Variants in SYPL2 observed in about 807,000 individuals in gnomAD.
The protein encoded by SYPL2 is synaptophysin-like protein 2.
A neutral mutation model predicts 31.3 loss-of-function variants in SYPL2; 24 were observed. That is an observed-to-expected ratio of 0.77 (90% confidence interval 0.56 to 1.08). SYPL2 has a LOEUF of 1.08. Ranked by LOEUF, SYPL2 falls within the 50% of genes least tolerant of loss-of-function variation. SYPL2 has a pLI of 0.00. For missense variants in SYPL2, 342 were observed against 360.1 expected, an observed-to-expected ratio of 0.95 and a Z score of 0.41; for synonymous variants, 144 against 143.1, an observed-to-expected ratio of 1.01 and a Z score of -0.05.
At chr1:109,466,928 G>A in intron 1 of SYPL2, 31 bp downstream of exon 1, 11 of 1,531,794 alleles carry the variant, frequency 7.2e-6, no homozygotes, top group Non-Finnish European at 9.6e-6. Context: ...ACTCTCACCC[G>A]CCCCTCTCCA....
intron 2 of SYPL2, among the ~76,000 whole-genome samples, chr1:109,468,747 T>C (rs1212497751): frequency 6.6e-6 from 1 of 152,198 alleles, no homozygotes; most frequent in Non-Finnish European, 1.5e-5. Flanking sequence ...GGAGGGATTC[T>C]GAAAAGCTTC....
At position 109,479,316 on chromosome 1, in the gene SYPL2, C is replaced by T. The variant is rs868688568; in HGVS notation, c.649-62C>T. ...CAACCCCAACTGCAATAGGAACTCC[C>T]CCTCCCTGTTCCCACAATGACCCCC... On this transcript the variant is annotated intron_variant, in intron 5 of 5. Transcript: ENST00000369872. 4 of 1,575,518 alleles carry T rather than the reference C, an allele frequency of 2.5e-6. No individual in the cohort carries two copies. The Middle Eastern group carries it at 6.7e-4, about 266-fold the overall frequency.
In SYPL2 at chr1:109,466,672, C is replaced by A. The variant is rs1655645852; in HGVS notation, c.-172C>A. ...GCACGAACAGCAGCGCCCCCGCGTC[C>A]CAGCCAGCCAGCCAGCCAGACTGGA... On this transcript the variant is annotated 5_prime_UTR_variant, in exon 1 of 6. Transcript: ENST00000369872. 1.8e-6 allele frequency: 1 copy of A among 546,620 alleles called. No individual in the cohort carries two copies. The highest frequency in any genetic ancestry group is 4.6e-5 in the Admixed American group (1 of 21,772). 33.9% of individuals were successfully genotyped at this position (546,620 alleles called of 1,614,324 possible).
chr1:109,475,260 GTCA>G (rs1655959833), intron 2 of SYPL2: 1 of 212,984 alleles, frequency 4.7e-6, no homozygotes, highest in East Asian at 1.0e-4. Context: ...TTTTGTGTTA[GTCA>G]TCTTAAGGAG....
chr1:109,468,883 G>C (rs1655739644), intron 2 of SYPL2, among the ~76,000 whole-genome samples: 1 of 151,388 alleles, frequency 6.6e-6, no homozygotes, highest in Admixed American at 6.6e-5. Context: ...AATGACCTAG[G>C]AATTAAGATC....
intron 2 of SYPL2, among the ~76,000 whole-genome samples, chr1:109,473,231 C>T (rs754050575): frequency 2.6e-4 from 40 of 152,274 alleles, no homozygotes; most frequent in African/African-American, 8.9e-4. Flanking sequence ...GTGAAGAAGG[C>T]GGGCAGACAG....
At position 109,475,616 on chromosome 1, in the gene SYPL2, C is replaced by T; in HGVS notation, c.165C>T (p.Ser55=). The T allele has an allele frequency of 1.9e-6, 3 of 1,614,130 alleles. No individual in the cohort carries two copies. The highest frequency in any genetic ancestry group is 2.5e-6 in the Non-Finnish European group (3 of 1,180,000). Residue 55 remains serine, a synonymous_variant, in exon 3 of 6, where the codon TCC becomes TCT. Transcript: ENST00000369872. ...TTTTCGCCTTCGGGTCCTGTGGCTC[C>T]TACAGCGGGGAGACAGGAGCAATGG... The part of the protein sequence containing the change: ...FAIFAFGSCG[S]YSGETGAMVR...
chr1:109,479,194 A>G (rs1656090006), intron 5 of SYPL2, among the ~76,000 whole-genome samples, 184 bp from the exon 6 acceptor site: 1 of 152,178 alleles, frequency 6.6e-6, no homozygotes, highest in Admixed American at 6.5e-5. Context: ...TTCACCTGGG[A>G]TTCCCCTAAA....
At chr1:109,469,253 T>C (rs907471185) in intron 2 of SYPL2, among the ~76,000 whole-genome samples, 1 of 152,228 alleles carries the variant, frequency 6.6e-6, no homozygotes, top group Non-Finnish European at 1.5e-5. Flanking sequence ...CTTGCAGTTA[T>C]TGTAATGGTA....
In SYPL2 at chr1:109,476,963, C is replaced by T. The variant is rs75551446; in HGVS notation, c.442C>T (p.Arg148Cys). Residue 148 changes from arginine (R) to cysteine (C), a missense_variant, in exon 4 of 6, where the codon CGC (arginine) becomes TGC (cysteine). Transcript: ENST00000369872. ...CCACAACCTCTACACAGAGAACAAA[C>T]GCTTCCCGCTGGTGGTGAGTCAGCA... Reference protein sequence around the residue: ...RFHNLYTENKRFPLVDFCVTV... With the variant: ...RFHNLYTENKCFPLVDFCVTV... 4.4e-3 allele frequency: 7,127 copies of T among 1,614,174 alleles called. 246 individuals carry two copies. The African/African-American group carries it at 0.08, about 18-fold the overall frequency.
intron 2 of SYPL2, among the ~76,000 whole-genome samples, chr1:109,469,215 T>C (rs1399616230): frequency 2.0e-5 from 3 of 152,178 alleles, no homozygotes; most frequent in African/African-American, 2.4e-5. Context: ...ATGCTCCTGA[T>C]TGGAGAAGGA....
At chr1:109,473,818 G>A (rs899623204) in intron 2 of SYPL2, among the ~76,000 whole-genome samples, 4 of 151,474 alleles carry the variant, frequency 2.6e-5, no homozygotes, top group Non-Finnish European at 4.4e-5. Flanking sequence ...TGGTGTGAAC[G>A]CAGGAGGTGC....
intron 2 of SYPL2, among the ~76,000 whole-genome samples, chr1:109,472,127 T>C (rs529769207): frequency 2.6e-5 from 4 of 152,126 alleles, no homozygotes; most frequent in African/African-American, 7.2e-5. Flanking sequence ...GATTTTGTTA[T>C]TCTTTTTCTT....
intron 2 of SYPL2, among the ~76,000 whole-genome samples, chr1:109,470,224 A>G (rs1655788782): frequency 6.6e-6 from 1 of 152,184 alleles, no homozygotes; most frequent in South Asian, 2.1e-4. Context: ...TCCTGGGCTC[A>G]GGTGATATTC....
At chr1:109,469,827 CAAAAAAAAAAA>C (rs10533137) in intron 2 of SYPL2, among the ~76,000 whole-genome samples, 1 of 79,194 alleles carries the variant, frequency 1.3e-5, no homozygotes, top group African/African-American at 5.2e-5. Flanking sequence ...GACCTTGTCT[CAAAAAAAAAAA>C]AAAAAAAAAA....
At chr1:109,469,423 G>T (rs1433737442) in intron 2 of SYPL2, among the ~76,000 whole-genome samples, 1 of 150,568 alleles carries the variant, frequency 6.6e-6, no homozygotes, top group Admixed American at 6.6e-5. Flanking sequence ...TTCCAATTCT[G>T]GAGTCTCACT....
In SYPL2 at chr1:109,481,096, C is replaced by T. The variant is rs1656148134; in HGVS notation, c.*1548C>T. The T allele has an allele frequency of 6.5e-6, 1 of 152,688 alleles. No homozygotes were observed. The allele number at this position is 152,688 out of a possible 1,614,324, so 9.5% of individuals were successfully genotyped here. A position where few individuals can be genotyped will look rare whatever the true frequency, so the allele number is the denominator to read the frequency against. On this transcript the variant is annotated 3_prime_UTR_variant, in exon 6 of 6. Coordinates refer to ENST00000369872, the MANE Select transcript of SYPL2 (RefSeq NM_001040709.2). ...AGTCAACCCCCTTCAACCTCCTCAC[C>T]TCTCTAAACACCATCCATAGTAACA...
At chr1:109,469,049 T>C (rs1655744448) in intron 2 of SYPL2, among the ~76,000 whole-genome samples, 1 of 152,260 alleles carries the variant, frequency 6.6e-6, no homozygotes, top group Admixed American at 6.5e-5. Flanking sequence ...TTTGCTTTTA[T>C]TGCCATCCCA....
At chr1:109,477,060 A>G in intron 4 of SYPL2, 83 bp downstream of exon 4, 1 of 1,533,318 alleles carries the variant, frequency 6.5e-7, no homozygotes, top group Non-Finnish European at 9.0e-7. Context: ...AGCAGAGGAC[A>G]AGCATGGCGG....
Sources: gnomAD v4.1 joint callset for allele counts (sites outside exome capture counted in the v4.1 genomes callset) on GRCh38, gnomAD v4.1.1 for gene constraint, MANE v1.5 for transcripts, NCBI Gene and HGNC (gene_info 2026-07-23, HGNC 2026-07-21) for gene names.